PLPP1: variants seen among roughly 807,000 people sequenced by gnomAD.
PLPP1 encodes phospholipid phosphatase 1.
In PLPP1, 24 loss-of-function variants were observed where a neutral mutation model predicts 31.2. The observed-to-expected ratio is 0.77, with a 90% CI of 0.56 to 1.08. The LOEUF (loss-of-function observed/expected upper bound fraction) is 1.08, where lower values mean the gene tolerates loss of function less well. PLPP1 is among the 50% of genes least tolerant of loss of function. The probability of loss-of-function intolerance (pLI) is 0.00; values close to 1 mark genes in which losing one functional copy is unlikely to be tolerated. For synonymous variants in PLPP1, 146 were observed against 126.3 expected, an observed-to-expected ratio of 1.16 and a Z score of -1.05; for missense variants, 319 against 342.7, an observed-to-expected ratio of 0.93 and a Z score of 0.55.
intron 1 of PLPP1, among the ~76,000 whole-genome samples, chr5:55,477,552 C>A (rs904737751): frequency 6.6e-6 from 1 of 151,890 alleles, no homozygotes; most frequent in Non-Finnish European, 1.5e-5. Context: ...CACCACCACG[C>A]CCAGCTAATT....
At chr5:55,470,807 A>C (rs1752398320) in intron 2 of PLPP1, among the ~76,000 whole-genome samples, 1 of 152,194 alleles carries the variant, frequency 6.6e-6, no homozygotes. Context: ...CTAATCCTTA[A>C]ACTGAGACTA....
intron 1 of PLPP1, among the ~76,000 whole-genome samples, chr5:55,510,953 C>T (rs992665940): frequency 4.6e-5 from 7 of 152,216 alleles, no homozygotes; most frequent in African/African-American, 1.7e-4. Flanking sequence ...TAAATGCTTA[C>T]TCCCTGATCT....
intron 1 of PLPP1, chr5:55,508,959 T>C (rs915833463): frequency 6.5e-6 from 1 of 153,666 alleles, no homozygotes; most frequent in Admixed American, 6.6e-5. Context: ...TTTAATAGAG[T>C]AGAAAAAAAC....
chr5:55,467,927 C>G lies in PLPP1; in HGVS notation c.433G>C (p.Asp145His). The G allele has an allele frequency of 6.2e-7, 1 of 1,614,164 alleles. No homozygotes were observed. Among genetic ancestry groups the G allele is most frequent in the East Asian group, 2.2e-5 (1 of 44,880 alleles). ...CATATGTAGTATTCAATGTAACCAT[C>G]GCTGCAGTTGATTTTTGACCAATCT... is the stretch of plus-strand genomic sequence containing the variant. ...DPDWSKINCS[D>H]GYIEYYICRG... The change falls in exon 3 of 6, where the codon GAT becomes CAT. Residue 145 changes from aspartate to histidine, a missense_variant. Physicochemically the swap from Asp to His is moderately conservative, Grantham distance 81. Transcript: ENST00000307259.
At chr5:55,499,208 G>C (rs371681288) in intron 1 of PLPP1, among the ~76,000 whole-genome samples, 2 of 152,274 alleles carry the variant, frequency 1.3e-5, no homozygotes, top group East Asian at 3.9e-4. Flanking sequence ...TCTCAGATCT[G>C]AAACTGTATC....
rs1476174639 is a variant in PLPP1, at chr5:55,426,025, G to A, written c.564C>T (p.Ala188=). 1 of 1,589,026 alleles carries A rather than the reference G, an allele frequency of 6.3e-7. No individual in the cohort carries two copies. Among genetic ancestry groups the A allele is most frequent in the Non-Finnish European group, 8.5e-7 (1 of 1,172,952 alleles). The change falls in exon 5 of 6, where the codon GCC becomes GCT. Residue 188 remains alanine (A), a synonymous_variant. Coordinates refer to ENST00000307259, the MANE Select transcript of PLPP1 (RefSeq NM_003711.4). ...GTCTTGCCCAGTCTCCCTTCATCCT[G>A]GCTTGAAGATAAAGCTAAAAGAAAA... ...CMLFVALYLQ[A]RMKGDWARLL... is the part of the protein sequence containing the mutation.
chr5:55,463,682 T>TATAATCCCAGC (rs1752219157), intron 3 of PLPP1, among the ~76,000 whole-genome samples: 2 of 151,794 alleles, frequency 1.3e-5, no homozygotes, highest in African/African-American at 4.8e-5. Context: ...GGCTCATGTT[T>TATAATCCCAGC]ATAATCCCAG....
intron 1 of PLPP1, among the ~76,000 whole-genome samples, chr5:55,507,702 A>G (rs1208277700): frequency 1.3e-5 from 2 of 152,284 alleles, no homozygotes; most frequent in African/African-American, 2.4e-5. Flanking sequence ...TTCAAACCCA[A>G]TTGAGTCAAT....
At chr5:55,438,197 TCTC>T (rs1413677802) in intron 4 of PLPP1, among the ~76,000 whole-genome samples, 2 of 145,260 alleles carry the variant, frequency 1.4e-5, no homozygotes, top group African/African-American at 2.4e-5. Flanking sequence ...CCATGGCTGT[TCTC>T]CTGAATAATC....
chr5:55,468,174 ATGTTAAAGTAG>A, intron 2 of PLPP1, 25 bp from the exon 3 acceptor site: 1 of 1,531,958 alleles, frequency 6.5e-7, no homozygotes, highest in Non-Finnish European at 8.8e-7. Flanking sequence ...GAAAAATAAC[ATGTTAAAGTAG>A]CAAGCAGGCA....
chr5:55,435,588 G>A (rs1751472962), intron 4 of PLPP1, among the ~76,000 whole-genome samples: 1 of 152,146 alleles, frequency 6.6e-6, no homozygotes, highest in African/African-American at 2.4e-5. Flanking sequence ...AAGAACACTT[G>A]AGTGTGCCAC....
rs1752020868 is a variant in PLPP1 at position 55,456,667 on chromosome 5, A to C, written c.491+11202T>G. Among the ~76,000 whole-genome samples the C allele has an allele frequency of 2.6e-5, 4 of 152,376 alleles. No individual in the cohort carries two copies. The East Asian group carries it at 7.7e-4, about 29-fold the overall frequency. On this transcript the variant is annotated intron_variant, in intron 3 of 5. Transcript: ENST00000307259. ...GTATCCAGCCAAACTACACTCCACA[A>C]TAGAACAGCAATGCATACCCACAGT...
intron 4 of PLPP1, among the ~76,000 whole-genome samples, chr5:55,432,092 TTTC>T (rs1168812042): frequency 3.8e-3 from 126 of 32,864 alleles, no homozygotes; most frequent in Admixed American, 0.021. Flanking sequence ...AATTTTTCTT[TTTC>T]TTCTTTTTTT....
intron 1 of PLPP1, among the ~76,000 whole-genome samples, chr5:55,494,397 G>A (rs1349974651): frequency 2.6e-5 from 4 of 152,122 alleles, no homozygotes; most frequent in African/African-American, 9.7e-5. Context: ...GACATATGAA[G>A]AACGAAAGTT....
chr5:55,527,541 C>T (rs13167199), intron 1 of PLPP1, among the ~76,000 whole-genome samples: 9,323 of 152,224 alleles, frequency 0.061, 524 homozygotes, highest in African/African-American at 0.13. Context: ...AATGCAGAAA[C>T]GGAAGCTACC....
intron 3 of PLPP1, among the ~76,000 whole-genome samples, chr5:55,443,192 A>AAAATATATATATATATATAT: frequency 1.2e-4 from 3 of 25,442 alleles, no homozygotes; most frequent in East Asian, 7.5e-4. Context: ...AAAAAAAAAA[A>AAAATATATATATATATATAT]ATATATATAT....
rs2278259 is a variant in PLPP1 at position 55,426,130 on chromosome 5, A to G, written c.550-91T>C. On this transcript the variant is annotated intron_variant, in intron 4 of 5. Coordinates refer to ENST00000307259, the MANE Select transcript of PLPP1 (RefSeq NM_003711.4). The stretch of plus-strand genomic sequence containing the variant: ...AGGGTTGGCATTTGAAATGATTATC[A>G]AAGTATTATTATATAGGGAACAGGA... The G allele has an allele frequency of 5.2e-6, 6 of 1,149,318 alleles. No homozygotes were observed. The African/African-American group carries it at 6.3e-5, about 12-fold the overall frequency. 71.2% of individuals were successfully genotyped at this position (1,149,318 alleles called of 1,614,324 possible).
chr5:55,508,688 G>A (rs1468114384), intron 1 of PLPP1, among the ~76,000 whole-genome samples: 1 of 152,228 alleles, frequency 6.6e-6, no homozygotes, highest in African/African-American at 2.4e-5. Flanking sequence ...ACTAGCTGGT[G>A]CTAGAGGAGC....
At chr5:55,526,071 T>C (rs1272424975) in intron 1 of PLPP1, among the ~76,000 whole-genome samples, 1 of 151,942 alleles carries the variant, frequency 6.6e-6, no homozygotes, top group Non-Finnish European at 1.5e-5. Flanking sequence ...TGCTGCCAAC[T>C]TCTTTTTTTA....
Sources: gnomAD v4.1 joint callset for allele counts (sites outside exome capture counted in the v4.1 genomes callset) on GRCh38, gnomAD v4.1.1 for gene constraint, MANE v1.5 for transcripts, NCBI Gene and HGNC (gene_info 2026-07-23, HGNC 2026-07-21) for gene names.